The following ADGRB3 variants were observed in gnomAD, a reference collection of about 807,000 sequenced individuals.
ADGRB3 encodes the protein adhesion G protein-coupled receptor B3.
Under a neutral mutation model 193.4 loss-of-function variants are expected in ADGRB3, and 37 were observed. That is an observed-to-expected ratio of 0.19 (90% CI 0.15 to 0.25). The LOEUF (loss-of-function observed/expected upper bound fraction) is 0.25. Among genes scored for constraint, ADGRB3 ranks in the 10% least tolerant of loss-of-function variants. ADGRB3 has a pLI of 1.00. For missense variants in ADGRB3, 1,637 were observed against 1,852.9 expected, an observed-to-expected ratio of 0.88 and a Z score of 2.14; for synonymous variants, 690 against 644.2, an observed-to-expected ratio of 1.07 and a Z score of -1.08.
intron 15 of ADGRB3, among the ~76,000 whole-genome samples, chr6:69,050,486 A>G (rs1428238958): frequency 6.6e-6 from 1 of 152,198 alleles, no homozygotes; most frequent in African/African-American, 2.4e-5. Context: ...TTTGAAAACA[A>G]AAAAGTCTAC....
chr6:68,760,005 G>A (rs1475093217), intron 3 of ADGRB3, among the ~76,000 whole-genome samples: 1 of 151,848 alleles, frequency 6.6e-6, no homozygotes, highest in Admixed American at 6.6e-5. Flanking sequence ...TTTTATTCTG[G>A]CCAATGTACC....
chr6:69,238,918 C>T (rs1020888460), intron 19 of ADGRB3, among the ~76,000 whole-genome samples: 20 of 151,888 alleles, frequency 1.3e-4, no homozygotes, highest in Non-Finnish European at 2.1e-4. Flanking sequence ...TTCTAAAGGA[C>T]GCTTGCACAT....
chr6:69,056,593 T>C (rs1164854829), intron 15 of ADGRB3, among the ~76,000 whole-genome samples: 1 of 152,226 alleles, frequency 6.6e-6, no homozygotes, highest in Non-Finnish European at 1.5e-5. Flanking sequence ...TTAAAAGTTT[T>C]ATAGTTTCTA....
chr6:69,340,036 G>T (rs1196888065), intron 26 of ADGRB3, among the ~76,000 whole-genome samples: 2 of 152,086 alleles, frequency 1.3e-5, no homozygotes, highest in East Asian at 3.9e-4. Flanking sequence ...ATGGATTATT[G>T]CTTTTGATAT....
At chr6:68,936,766 A>G in intron 5 of ADGRB3, 86 bp downstream of exon 5, 2 of 1,406,244 alleles carry the variant, frequency 1.4e-6, no homozygotes, top group South Asian at 1.4e-5. Context: ...TTCATATGAA[A>G]CGGGTATAGG....
At chr6:68,844,496 A>G (rs1768235014) in intron 3 of ADGRB3, among the ~76,000 whole-genome samples, 1 of 152,160 alleles carries the variant, frequency 6.6e-6, no homozygotes. Flanking sequence ...GTAATCACAA[A>G]TGCTAGTAAG....
At chr6:69,098,052 G>T (rs891003414) in intron 17 of ADGRB3, among the ~76,000 whole-genome samples, 1 of 152,142 alleles carries the variant, frequency 6.6e-6, no homozygotes, top group Non-Finnish European at 1.5e-5. Context: ...AACTGCCTCA[G>T]CATTGCAAGT....
chr6:68,887,149 A>T (rs915355781), intron 3 of ADGRB3, among the ~76,000 whole-genome samples: 1 of 151,946 alleles, frequency 6.6e-6, no homozygotes, highest in African/African-American at 2.4e-5. Flanking sequence ...TAAAAGCGAT[A>T]TTGTTAGTTC....
intron 3 of ADGRB3, among the ~76,000 whole-genome samples, chr6:68,865,601 G>C (rs1216132449): frequency 3.3e-5 from 5 of 152,130 alleles, no homozygotes; most frequent in Admixed American, 3.3e-4. Flanking sequence ...ACTCCATGCT[G>C]TAACTGCAGG....
chr6:69,035,799 CTG>C (rs1442583360), intron 13 of ADGRB3, among the ~76,000 whole-genome samples: 1 of 152,068 alleles, frequency 6.6e-6, no homozygotes, highest in Non-Finnish European at 1.5e-5. Context: ...AGAAGTGAAA[CTG>C]TAAGTACAAT....
intron 22 of ADGRB3, 47 bp from the exon 23 acceptor site, chr6:69,330,459 A>G: frequency 6.7e-7 from 1 of 1,500,202 alleles, no homozygotes; most frequent in East Asian, 2.3e-5. Context: ...TAGTGGTCTA[A>G]TACTTGTCAC....
intron 3 of ADGRB3, among the ~76,000 whole-genome samples, chr6:68,807,935 A>AT (rs527752557): frequency 2.0e-5 from 3 of 151,950 alleles, no homozygotes; most frequent in East Asian, 1.9e-4. Flanking sequence ...TCCTAACTTA[A>AT]TTTTTTTCCC....
chr6:68,703,803 A>G (rs920865616), intron 3 of ADGRB3, among the ~76,000 whole-genome samples: 2 of 152,028 alleles, frequency 1.3e-5, no homozygotes, highest in East Asian at 1.9e-4. Context: ...TTGTATTTTT[A>G]GTAGAGACGG....
At chr6:69,135,416 A>C (rs1774123108) in intron 17 of ADGRB3, among the ~76,000 whole-genome samples, 1 of 151,996 alleles carries the variant, frequency 6.6e-6, no homozygotes, top group African/African-American at 2.4e-5. Context: ...AAGCTAATTT[A>C]ATGCCAAGAA....
intron 3 of ADGRB3, among the ~76,000 whole-genome samples, chr6:68,672,220 G>T (rs1307339299): frequency 6.6e-6 from 1 of 150,644 alleles, no homozygotes; most frequent in Non-Finnish European, 1.5e-5. Flanking sequence ...CTTTATGTTT[G>T]CTTGATCTTT....
At chr6:68,804,085 T>A (rs1767360485) in intron 3 of ADGRB3, among the ~76,000 whole-genome samples, 1 of 152,202 alleles carries the variant, frequency 6.6e-6, no homozygotes, top group South Asian at 2.1e-4. Flanking sequence ...CATTTCACTC[T>A]CTTTGTGAAG....
intron 17 of ADGRB3, among the ~76,000 whole-genome samples, chr6:69,127,124 T>TA (rs1008702655): frequency 1.3e-5 from 2 of 152,210 alleles, no homozygotes; most frequent in African/African-American, 4.8e-5. Context: ...CATGTCTCCC[T>TA]ATCACACTTC....
At chr6:69,253,607 A>C (rs145754423) in intron 20 of ADGRB3, among the ~76,000 whole-genome samples, 27 of 152,194 alleles carry the variant, frequency 1.8e-4, no homozygotes, top group Non-Finnish European at 3.7e-4. Context: ...GTTGAAGAGA[A>C]ATTAGGAGTT....
chr6:68,736,748 A>G (rs541415169), intron 3 of ADGRB3, among the ~76,000 whole-genome samples: 1 of 152,154 alleles, frequency 6.6e-6, no homozygotes, highest in Non-Finnish European at 1.5e-5. Context: ...CAATTTTTCT[A>G]TGTTCCTAAG....
Sources: allele counts gnomAD v4.1 joint callset (sites outside exome capture counted in the v4.1 genomes callset), GRCh38; gene constraint gnomAD v4.1.1; transcripts MANE v1.5; gene names NCBI Gene and HGNC (gene_info 2026-07-23, HGNC 2026-07-21).